DSCAML1: variants seen among roughly 807,000 people sequenced by gnomAD.
The protein encoded by DSCAML1 is cell adhesion molecule DSCAML1.
Under a neutral mutation model 200.5 loss-of-function variants are expected in DSCAML1, and 38 were observed. That is an observed-to-expected ratio of 0.19 (90% confidence interval 0.15 to 0.25). The LOEUF is 0.25. Ranked by LOEUF, DSCAML1 falls within the 10% of genes least tolerant of loss-of-function variation. The pLI, the probability that DSCAML1 is intolerant of heterozygous loss-of-function variation, is 1.00. For synonymous variants in DSCAML1, 1,215 were observed against 1,165.0 expected (o/e 1.04, Z -0.87); for missense variants, 2,223 against 2,858.8 (o/e 0.78, Z 5.07).
chr11:117,645,321 C>T (rs975790783), intron 3 of DSCAML1, among the ~76,000 whole-genome samples: 1 of 152,106 alleles, frequency 6.6e-6, no homozygotes, highest in African/African-American at 2.4e-5. Flanking sequence ...ATCTGAGGAT[C>T]TAGGACAACT....
At chr11:117,550,480 C>T (rs536964500) in intron 3 of DSCAML1, among the ~76,000 whole-genome samples, 63 of 152,168 alleles carry the variant, frequency 4.1e-4, no homozygotes, top group African/African-American at 1.5e-3. Flanking sequence ...TGTTTATTGA[C>T]ATTAGCTGCT....
intron 3 of DSCAML1, among the ~76,000 whole-genome samples, chr11:117,754,997 C>T (rs2054662798): frequency 6.6e-6 from 1 of 152,166 alleles, no homozygotes; most frequent in Admixed American, 6.5e-5. Context: ...AGACAACCTT[C>T]TCCTGTTGCC....
intron 11 of DSCAML1, among the ~76,000 whole-genome samples, chr11:117,484,490 C>A (rs1183856388): frequency 6.6e-6 from 1 of 152,174 alleles, no homozygotes; most frequent in Non-Finnish European, 1.5e-5. Flanking sequence ...TAATGCACGG[C>A]ATTACACTAG....
At chr11:117,676,261 G>T (rs574764219) in intron 3 of DSCAML1, among the ~76,000 whole-genome samples, 1 of 151,948 alleles carries the variant, frequency 6.6e-6, no homozygotes, top group Non-Finnish European at 1.5e-5. Context: ...GGCAGGGAAT[G>T]AGGCAGAGAT....
At chr11:117,496,107 C>T (rs183942102) in intron 11 of DSCAML1, among the ~76,000 whole-genome samples, 1 of 152,314 alleles carries the variant, frequency 6.6e-6, no homozygotes, top group East Asian at 1.9e-4. Context: ...CTCCATCTGA[C>T]CACGTCTGTC....
At chr11:117,747,722 C>T (rs4936406) in intron 3 of DSCAML1, among the ~76,000 whole-genome samples, 119,612 of 151,904 alleles carry the variant, frequency 0.79, 51,007 homozygotes, top group Non-Finnish European at 0.94. Flanking sequence ...CTCTGATCTC[C>T]GGTCCCTCAG....
At chr11:117,595,550 T>C (rs2051348117) in intron 3 of DSCAML1, among the ~76,000 whole-genome samples, 1 of 152,178 alleles carries the variant, frequency 6.6e-6, no homozygotes, top group Non-Finnish European at 1.5e-5. Flanking sequence ...TTCCCCTCTG[T>C]GGATAGGCTG....
chr11:117,695,309 CT>C (rs1220241169), intron 3 of DSCAML1, among the ~76,000 whole-genome samples: 1 of 122,644 alleles, frequency 8.2e-6, no homozygotes, highest in Non-Finnish European at 1.7e-5. Flanking sequence ...TTCTTTCTTT[CT>C]TTTTCTTTTT....
intron 3 of DSCAML1, among the ~76,000 whole-genome samples, chr11:117,590,580 A>T (rs969975253): frequency 1.3e-5 from 2 of 152,158 alleles, no homozygotes; most frequent in Admixed American, 6.5e-5. Flanking sequence ...TCTGCAATAC[A>T]TTCCTGCTCA....
At chr11:117,719,294 A>G (rs2054006450) in intron 3 of DSCAML1, among the ~76,000 whole-genome samples, 1 of 152,170 alleles carries the variant, frequency 6.6e-6, no homozygotes, top group African/African-American at 2.4e-5. Flanking sequence ...AAATAAAACT[A>G]AAAAATAAAA....
Position 117,671,278 on chromosome 11 carries a change from G to C in DSCAML1, c.511+105513C>G, listed in dbSNP as rs954287221. ...TGGAGCCCCAAACCCTCGCTTCATAGAGCAGCTTCCAGAGGCCACACTCAG... is the reference window on the plus strand; with the variant it reads ...TGGAGCCCCAAACCCTCGCTTCATACAGCAGCTTCCAGAGGCCACACTCAG... On this transcript the variant is annotated intron_variant, in intron 3 of 32. Transcript: ENST00000651296. Among the ~76,000 whole-genome samples the C allele has an allele frequency of 2.6e-5, 4 of 152,220 alleles. No homozygotes were observed. In the East Asian group the frequency reaches 7.7e-4, roughly 29 times the overall value.
At chr11:117,789,582 T>C (rs1249778412) in intron 1 of DSCAML1, among the ~76,000 whole-genome samples, 1 of 152,086 alleles carries the variant, frequency 6.6e-6, no homozygotes, top group East Asian at 1.9e-4. Flanking sequence ...AAACTAGCCA[T>C]TGTGGAACTC....
At chr11:117,597,413 T>C (rs1425947398) in intron 3 of DSCAML1, among the ~76,000 whole-genome samples, 8 of 152,262 alleles carry the variant, frequency 5.3e-5, no homozygotes, top group African/African-American at 1.9e-4. Context: ...GAGACCAAGG[T>C]CCTTGCCAGC....
At chr11:117,547,262 C>T (rs1440756275) in intron 3 of DSCAML1, among the ~76,000 whole-genome samples, 1 of 152,166 alleles carries the variant, frequency 6.6e-6, no homozygotes, top group Non-Finnish European at 1.5e-5. Flanking sequence ...CTTTGTAGCT[C>T]TCACTCCATG....
intron 3 of DSCAML1, among the ~76,000 whole-genome samples, chr11:117,720,020 A>C (rs928651099): frequency 2.6e-5 from 4 of 152,174 alleles, no homozygotes; most frequent in African/African-American, 9.7e-5. Context: ...TGAAAGCCCC[A>C]GCCAGCTGCC....
chr11:117,612,260 C>T (rs1337512796), intron 3 of DSCAML1, among the ~76,000 whole-genome samples: 1 of 152,182 alleles, frequency 6.6e-6, no homozygotes, highest in Admixed American at 6.5e-5. Context: ...CCTCTTTCTT[C>T]CCCACCGCCT....
intron 3 of DSCAML1, among the ~76,000 whole-genome samples, chr11:117,566,926 G>T (rs78047710): frequency 0.23 from 34,209 of 150,690 alleles, 4,098 homozygotes; most frequent in Non-Finnish European, 0.25. Context: ...TTTTACGGCT[G>T]CACAGTATTC....
Position 117,503,748 on chromosome 11 carries a change from G to A in DSCAML1, c.2359+97C>T, listed in dbSNP as rs2049440233. ...GCCTTCCTGCCTCCCCTTCATAGAT[G>A]AAACGACGGAGACTAAGAGAGTAGG... On this transcript the variant is annotated intron_variant, in intron 11 of 32. Coordinates refer to ENST00000651296, the MANE Select transcript of DSCAML1 (RefSeq NM_020693.4). The surrounding 1 kb of genome is among the most constrained non-coding windows in gnomAD (Gnocchi z 5.2). 7.3e-7 allele frequency: 1 copy of A among 1,377,532 alleles called. No individual in the cohort carries two copies. Among genetic ancestry groups the A allele is most frequent in the Non-Finnish European group, 9.8e-7 (1 of 1,021,748 alleles). 85.3% of individuals were successfully genotyped at this position (1,377,532 alleles called of 1,614,324 possible).
intron 3 of DSCAML1, among the ~76,000 whole-genome samples, chr11:117,717,343 T>C (rs2137785056): frequency 6.6e-6 from 1 of 151,438 alleles, no homozygotes; most frequent in Admixed American, 6.6e-5. Flanking sequence ...GAGCCTCACC[T>C]CTCCCCGCCC....
Sources: gnomAD v4.1 joint callset for allele counts (sites outside exome capture counted in the v4.1 genomes callset) on GRCh38, gnomAD v4.1.1 for gene constraint, Gnocchi (gnomAD v3.1) non-coding constraint, MANE v1.5 for transcripts, NCBI Gene and HGNC (gene_info 2026-07-23, HGNC 2026-07-21) for gene names.